Variants in TRERF1 observed in about 807,000 individuals in gnomAD.
The protein encoded by TRERF1 is transcriptional regulating factor 1, also known as transcriptional-regulating factor 1.
Under a neutral mutation model 122.9 loss-of-function variants are expected in TRERF1, and 27 were observed. The ratio of observed to expected loss-of-function variants is 0.22; its 90% CI spans 0.16 to 0.30. TRERF1 has a LOEUF of 0.30. Ranked by LOEUF, TRERF1 falls within the 10% of genes least tolerant of loss-of-function variation. The probability of loss-of-function intolerance (pLI) is 1.00; values close to 1 mark genes in which losing one functional copy is unlikely to be tolerated. For missense variants in TRERF1, 1,248 were observed against 1,560.3 expected (o/e 0.80, Z 3.37); for synonymous variants, 636 against 641.7 (o/e 0.99, Z 0.13).
At chr6:42,406,503 A>T (rs1780200046) in intron 2 of TRERF1, among the ~76,000 whole-genome samples, 1 of 152,144 alleles carries the variant, frequency 6.6e-6, no homozygotes, top group Non-Finnish European at 1.5e-5. Flanking sequence ...GTCCCTGCAC[A>T]CCCCAGTTCC....
At chr6:42,388,724 C>T (rs1369856670) in intron 2 of TRERF1, among the ~76,000 whole-genome samples, 1 of 152,170 alleles carries the variant, frequency 6.6e-6, no homozygotes, top group Non-Finnish European at 1.5e-5. Flanking sequence ...CCATGAGAGG[C>T]AATCGGCTTG....
intron 2 of TRERF1, among the ~76,000 whole-genome samples, chr6:42,441,114 C>G (rs1393585357): frequency 2.0e-5 from 3 of 152,164 alleles, no homozygotes; most frequent in African/African-American, 7.2e-5. Flanking sequence ...ATGCTGTTCC[C>G]TCTGCACCCT....
At chr6:42,331,445 C>T (rs762994771) in intron 3 of TRERF1, among the ~76,000 whole-genome samples, 1 of 152,196 alleles carries the variant, frequency 6.6e-6, no homozygotes, top group Non-Finnish European at 1.5e-5. Flanking sequence ...CCTCCCTCCA[C>T]CTGCCTGCAC....
At chr6:42,351,556 T>C (rs991873891) in intron 3 of TRERF1, among the ~76,000 whole-genome samples, 5 of 152,374 alleles carry the variant, frequency 3.3e-5, no homozygotes, top group South Asian at 2.1e-4. Flanking sequence ...ATATGCATTA[T>C]ATAGATCATG....
chr6:42,380,895 C>T (rs1440607895), intron 2 of TRERF1, among the ~76,000 whole-genome samples: 3 of 152,228 alleles, frequency 2.0e-5, no homozygotes, highest in Non-Finnish European at 4.4e-5. Context: ...TCCCTCCTGC[C>T]TCCTCCACTT....
chr6:42,396,395 T>TTG (rs1778588992), intron 2 of TRERF1, among the ~76,000 whole-genome samples: 1 of 152,092 alleles, frequency 6.6e-6, no homozygotes, highest in Non-Finnish European at 1.5e-5. Context: ...AGGTAGTACT[T>TTG]TGAAGGCAAA....
At chr6:42,392,931 T>C (rs58632770) in intron 2 of TRERF1, among the ~76,000 whole-genome samples, 42 of 148,090 alleles carry the variant, frequency 2.8e-4, no homozygotes, top group South Asian at 1.5e-3. Context: ...TACACACACA[T>C]ACACACACAC....
At chr6:42,299,021 A>G (rs1290767463) in intron 4 of TRERF1, among the ~76,000 whole-genome samples, 3 of 152,064 alleles carry the variant, frequency 2.0e-5, no homozygotes, top group Non-Finnish European at 2.9e-5. Flanking sequence ...TGAGAGTATC[A>G]TTTGAGCCCA....
intron 2 of TRERF1, among the ~76,000 whole-genome samples, chr6:42,412,667 G>GT (rs1209704190): frequency 2.6e-5 from 4 of 152,186 alleles, no homozygotes; most frequent in Non-Finnish European, 5.9e-5. Context: ...GCTCATGCCT[G>GT]TAATCCCAGA....
chr6:42,436,345 G>C (rs940509440), intron 2 of TRERF1, among the ~76,000 whole-genome samples: 3 of 151,638 alleles, frequency 2.0e-5, no homozygotes, highest in African/African-American at 7.3e-5. Flanking sequence ...CTCCAGCCTG[G>C]GTGACAGAGT....
intron 3 of TRERF1, among the ~76,000 whole-genome samples, chr6:42,325,475 C>A (rs181790446): frequency 6.6e-6 from 1 of 152,154 alleles, no homozygotes; most frequent in Non-Finnish European, 1.5e-5. Context: ...CTGCAGCATT[C>A]TTCATAATAG....
intron 4 of TRERF1, among the ~76,000 whole-genome samples, chr6:42,290,242 T>C (rs1423104303): frequency 2.6e-5 from 4 of 152,086 alleles, no homozygotes; most frequent in African/African-American, 9.7e-5. Flanking sequence ...TTCTAAGGAG[T>C]GCCTCATGGT....
At chr6:42,359,868 T>A (rs1260744430) in intron 3 of TRERF1, among the ~76,000 whole-genome samples, 1 of 152,184 alleles carries the variant, frequency 6.6e-6, no homozygotes, top group Non-Finnish European at 1.5e-5. Flanking sequence ...AATCCCTATA[T>A]TCTAGAGGTT....
intron 4 of TRERF1, among the ~76,000 whole-genome samples, chr6:42,286,062 T>C (rs571809110): frequency 1.3e-5 from 2 of 151,324 alleles, no homozygotes; most frequent in East Asian, 1.9e-4. Flanking sequence ...ATTTAATAAA[T>C]GGTGCTGGGA....
At chr6:42,364,885 C>G (rs146080148) in intron 2 of TRERF1, among the ~76,000 whole-genome samples, 1 of 152,096 alleles carries the variant, frequency 6.6e-6, no homozygotes, top group Admixed American at 6.5e-5. Context: ...AGGACTGAGG[C>G]GTGAGGTCCC....
At chr6:42,265,640 T>G in intron 6 of TRERF1, 111 bp downstream of exon 6, 1 of 1,179,940 alleles carries the variant, frequency 8.5e-7, no homozygotes, top group Non-Finnish European at 1.2e-6. Flanking sequence ...CTATTATTAT[T>G]TCTACACACT....
chr6:42,356,641 C>T lies in TRERF1; in HGVS notation c.-371+6356G>A, dbSNP rs1363255839. ...CCAGGCTGGAGTGCAGTGGCACAGTCTCGGCTCACTGCAGCCTTCATCTCC... is the reference window on the plus strand; with the variant it reads ...CCAGGCTGGAGTGCAGTGGCACAGTTTCGGCTCACTGCAGCCTTCATCTCC... On this transcript the variant is annotated intron_variant, in intron 3 of 17. Coordinates refer to ENST00000372922, the Ensembl canonical transcript of TRERF1. 2.6e-5 allele frequency among the ~76,000 whole-genome samples: 4 copies of T among 152,198 alleles called. No individual in the cohort carries two copies. The South Asian group carries it at 8.3e-4, about 32-fold the overall frequency.
chr6:42,268,733 T>C lies in TRERF1; in HGVS notation c.858A>G (p.Gln286=). The stretch of plus-strand genomic sequence containing the variant: ...TTTGTTGCGGCTGCGTCTGTATTTC[T>C]TGCATGGAGATACGCTGTTGCCCGG... Residue 286 remains glutamine, a synonymous_variant, in exon 5 of 18, where the codon CAA becomes CAG. Coordinates refer to ENST00000372922, the Ensembl canonical transcript of TRERF1. The surrounding 1 kb of genome is among the most constrained non-coding windows in gnomAD (Gnocchi z 4.4). 1 of 1,614,198 alleles carries C rather than the reference T, an allele frequency of 6.2e-7. No individual in the cohort carries two copies. The highest frequency in any genetic ancestry group is 1.1e-5 in the South Asian group (1 of 91,086).
chr6:42,359,837 C>A (rs990194939), intron 3 of TRERF1, among the ~76,000 whole-genome samples: 2 of 152,070 alleles, frequency 1.3e-5, no homozygotes, highest in Admixed American at 1.3e-4. Flanking sequence ...AATATAAGAA[C>A]ATATTGCCAT....
Sources: allele counts gnomAD v4.1 joint callset (sites outside exome capture counted in the v4.1 genomes callset), GRCh38; gene constraint gnomAD v4.1.1; non-coding constraint Gnocchi (gnomAD v3.1); transcripts MANE v1.5; gene names NCBI Gene and HGNC (gene_info 2026-07-23, HGNC 2026-07-21).